Variants in IGF2BP2 observed in about 807,000 individuals in gnomAD.
IGF2BP2 encodes insulin-like growth factor 2 mRNA-binding protein 2.
Under a neutral mutation model 75.8 loss-of-function variants are expected in IGF2BP2, and 17 were observed. The observed-to-expected ratio is 0.22, with a 90% CI of 0.15 to 0.34. The LOEUF is 0.34. IGF2BP2 is among the 10% of genes least tolerant of loss of function. IGF2BP2 has a pLI of 1.00. For missense variants in IGF2BP2, 516 were observed against 772.4 expected, an observed-to-expected ratio of 0.67 and a Z score of 3.93; for synonymous variants, 288 against 295.6, an observed-to-expected ratio of 0.97 and a Z score of 0.26.
chr3:185,654,263 C>T lies in IGF2BP2; in HGVS notation c.1387-2095G>A, dbSNP rs543116561. ...TTGGCAGGGCCTCGGCCGAAAAACACGGATCTGAGTGTGTCCAGGGGTCTG... is the reference window on the plus strand; with the variant it reads ...TTGGCAGGGCCTCGGCCGAAAAACATGGATCTGAGTGTGTCCAGGGGTCTG... On this transcript the variant is annotated intron_variant, in intron 12 of 15. Transcript: ENST00000382199. Among the ~76,000 whole-genome samples, 213 of 152,336 alleles carry T rather than the reference C, an allele frequency of 1.4e-3. 1 individual carries two copies. Among genetic ancestry groups the T allele is most frequent in the Middle Eastern group, 6.8e-3 (2 of 294 alleles).
intron 4 of IGF2BP2, among the ~76,000 whole-genome samples, chr3:185,695,099 A>G (rs1287590884): frequency 3.3e-5 from 5 of 151,930 alleles, no homozygotes; most frequent in African/African-American, 1.2e-4. Context: ...AAAAAAAAGC[A>G]GGGGGAGTCT....
At chr3:185,706,621 T>C (rs1203070874) in intron 2 of IGF2BP2, among the ~76,000 whole-genome samples, 1 of 152,188 alleles carries the variant, frequency 6.6e-6, no homozygotes, top group Non-Finnish European at 1.5e-5. Context: ...TTGGACAGAA[T>C]TGTAACAGGA....
chr3:185,703,828 G>C (rs558608927), intron 2 of IGF2BP2, among the ~76,000 whole-genome samples: 1 of 152,110 alleles, frequency 6.6e-6, no homozygotes, highest in Admixed American at 6.5e-5. Context: ...TTTGGTGTGA[G>C]GAGGATAATG....
chr3:185,681,294 A>G (rs563130963), intron 7 of IGF2BP2, among the ~76,000 whole-genome samples: 1 of 152,240 alleles, frequency 6.6e-6, no homozygotes, highest in Non-Finnish European at 1.5e-5. Flanking sequence ...ACACAACAAT[A>G]AACAATCTGA....
chr3:185,706,924 T>A (rs1259031047), intron 2 of IGF2BP2, among the ~76,000 whole-genome samples: 1 of 151,998 alleles, frequency 6.6e-6, no homozygotes, highest in Non-Finnish European at 1.5e-5. Flanking sequence ...ATATTTTTAT[T>A]AGAGACAGGG....
At chr3:185,775,375 C>A (rs530765218) in intron 2 of IGF2BP2, among the ~76,000 whole-genome samples, 1 of 152,290 alleles carries the variant, frequency 6.6e-6, no homozygotes, top group South Asian at 2.1e-4. Context: ...TGTGGCTAAA[C>A]TCTGGAGACA....
chr3:185,701,376 AAAAAAAAG>A (rs1723279425), intron 2 of IGF2BP2, among the ~76,000 whole-genome samples: 1 of 150,792 alleles, frequency 6.6e-6, no homozygotes, highest in African/African-American at 2.4e-5. Flanking sequence ...GTAAAAAAAA[AAAAAAAAG>A]AAAGAAAGAA....
chr3:185,729,223 G>A (rs1421682566), intron 2 of IGF2BP2, among the ~76,000 whole-genome samples: 2 of 152,104 alleles, frequency 1.3e-5, no homozygotes, highest in Non-Finnish European at 2.9e-5. Context: ...AGATGTCTCA[G>A]GAAAGGCAAC....
chr3:185,805,338 T>G (rs1282095790), intron 2 of IGF2BP2, among the ~76,000 whole-genome samples: 1 of 152,152 alleles, frequency 6.6e-6, no homozygotes, highest in Non-Finnish European at 1.5e-5. Context: ...TAGAGAGACC[T>G]ATGAGGCTTT....
intron 2 of IGF2BP2, among the ~76,000 whole-genome samples, chr3:185,732,576 C>G (rs1224650179): frequency 6.6e-6 from 1 of 152,178 alleles, no homozygotes; most frequent in Admixed American, 6.5e-5. Context: ...CCCCAACATA[C>G]TACAAGGACC....
chr3:185,689,742 G>A, intron 5 of IGF2BP2, 115 bp from the exon 6 acceptor site: 3 of 1,164,422 alleles, frequency 2.6e-6, no homozygotes, highest in Non-Finnish European at 3.8e-6. Flanking sequence ...GCCGAGGCGG[G>A]TGGATCACGA....
intron 2 of IGF2BP2, among the ~76,000 whole-genome samples, chr3:185,756,528 C>CTT (rs148732469): frequency 2.6e-5 from 4 of 151,480 alleles, no homozygotes; most frequent in African/African-American, 9.7e-5. Context: ...CCATCTGCCT[C>CTT]TTTTTTTTTG....
rs372021351 is a variant in IGF2BP2, at chr3:185,696,683, T to C, written c.289-20A>G. 224 of 1,610,310 alleles carry C rather than the reference T, an allele frequency of 1.4e-4. No homozygotes were observed. Among genetic ancestry groups the C allele is most frequent in the Non-Finnish European group, 1.7e-4 (200 of 1,176,856 alleles). The stretch of plus-strand genomic sequence containing the variant: ...CAACACCTAAAAGAGAAAGCTTCCA[T>C]GTCAGAATGGGAAGGCAAGATCATA... On this transcript the variant is annotated intron_variant, in intron 3 of 15. Transcript: ENST00000382199.
rs148485345 is a variant in IGF2BP2, at chr3:185,788,763, G to A, written c.239+34390C>T. Among the ~76,000 whole-genome samples the A allele has an allele frequency of 4.3e-3, 608 of 141,970 alleles. 4 individuals are homozygous for A. The highest frequency in any genetic ancestry group is 0.015 in the African/African-American group (590 of 38,546). 93.1% of individuals were successfully genotyped at this position (141,970 alleles called of 152,430 possible). A position where few individuals can be genotyped will look rare whatever the true frequency, so the allele number is the denominator to read the frequency against. ...GATAGAGTCTCACTCTGCCCAGGCTGGAGCGCAGTGGCGCGATCTCAGCTC... is the reference window on the plus strand; with the variant it reads ...GATAGAGTCTCACTCTGCCCAGGCTAGAGCGCAGTGGCGCGATCTCAGCTC... On this transcript the variant is annotated intron_variant, in intron 2 of 15. Transcript: ENST00000382199.
intron 2 of IGF2BP2, among the ~76,000 whole-genome samples, chr3:185,710,430 T>C (rs1238609925): frequency 1.3e-5 from 2 of 151,896 alleles, no homozygotes; most frequent in Non-Finnish European, 2.9e-5. Flanking sequence ...AGGGATATGC[T>C]GAAGAAAGTA....
At chr3:185,666,047 TAGATAGATAGAG>T (rs1443536929) in intron 10 of IGF2BP2, among the ~76,000 whole-genome samples, 1 of 143,168 alleles carries the variant, frequency 7.0e-6, no homozygotes, top group Admixed American at 7.0e-5. Flanking sequence ...GATAGATAGA[TAGATAGATAGAG>T]GAACTATGAC....
At chr3:185,661,635 C>T (rs1331677010) in intron 10 of IGF2BP2, among the ~76,000 whole-genome samples, 1 of 39,616 alleles carries the variant, frequency 2.5e-5, no homozygotes, top group Non-Finnish European at 5.3e-5. Flanking sequence ...AAGACTGTCT[C>T]AAAAAAAAAA....
chr3:185,719,192 G>A (rs1047508110), intron 2 of IGF2BP2, among the ~76,000 whole-genome samples: 1 of 152,192 alleles, frequency 6.6e-6, no homozygotes, highest in Non-Finnish European at 1.5e-5. Context: ...TGATACAGTA[G>A]GCTATGGGAG....
At chr3:185,670,964 G>A (rs1386600553) in intron 10 of IGF2BP2, among the ~76,000 whole-genome samples, 8 of 152,192 alleles carry the variant, frequency 5.3e-5, no homozygotes, top group Non-Finnish European at 1.0e-4. Flanking sequence ...AACGTTTGAG[G>A]TTATCTTCTG....
Sources: allele counts gnomAD v4.1 joint callset (sites outside exome capture counted in the v4.1 genomes callset), GRCh38; gene constraint gnomAD v4.1.1; transcripts MANE v1.5; gene names NCBI Gene and HGNC (gene_info 2026-07-23, HGNC 2026-07-21).